The following PIGQ variants were observed in gnomAD, a reference collection of about 807,000 sequenced individuals.
PIGQ encodes the protein phosphatidylinositol N-acetylglucosaminyltransferase subunit Q.
Under a neutral mutation model 60.3 loss-of-function variants are expected in PIGQ, and 54 were observed. That is an observed-to-expected ratio of 0.90 (90% confidence interval 0.72 to 1.12). The LOEUF (loss-of-function observed/expected upper bound fraction) is 1.12. PIGQ is among the 50% of genes most tolerant of loss of function. The pLI is 0.00. For synonymous variants in PIGQ, 416 were observed against 363.7 expected, an observed-to-expected ratio of 1.14 and a Z score of -1.64; for missense variants, 799 against 793.5, an observed-to-expected ratio of 1.01 and a Z score of -0.08.
At position 582,247 on chromosome 16, in the gene PIGQ, G is replaced by A; in HGVS notation, c.1532-1G>A. On this transcript the variant is annotated splice_acceptor_variant, in intron 9 of 10. Transcript: ENST00000321878. LOFTEE classifies it high-confidence loss of function. ...TCGTCAGCCGCTTGCTATCCTTGCA[G>A]CTGGCGTGAAGTTCCGTGTCCTCCG... 13 of 1,602,154 alleles carry A rather than the reference G, an allele frequency of 8.1e-6. No individual in the cohort carries two copies. Among genetic ancestry groups the A allele is most frequent in the Non-Finnish European group, 1.1e-5 (13 of 1,173,528 alleles).
chr16:581,031 G>A (rs1398488923), intron 9 of PIGQ, 59 bp downstream of exon 9: 2 of 1,352,550 alleles, frequency 1.5e-6, no homozygotes, highest in African/African-American at 2.9e-5. Context: ...CACACCTGTG[G>A]GCCCTGCAGA....
At chr16:571,341 C>CGTGTGT (rs3074438) in intron 1 of PIGQ, among the ~76,000 whole-genome samples, 1 of 13,590 alleles carries the variant, frequency 7.4e-5, no homozygotes, top group African/African-American at 3.6e-4. Context: ...GCCTGGTGCC[C>CGTGTGT]GTGTGTGTGT....
At chr16:581,194 C>A in intron 9 of PIGQ, 2 of 1,430,632 alleles carry the variant, frequency 1.4e-6, no homozygotes, top group Non-Finnish European at 1.8e-6. Flanking sequence ...TCACCTGCCG[C>A]GCAGGTTCAG....
At chr16:575,104 G>A (rs938231375) in intron 2 of PIGQ, among the ~76,000 whole-genome samples, 1 of 152,190 alleles carries the variant, frequency 6.6e-6, no homozygotes, top group Non-Finnish European at 1.5e-5. Flanking sequence ...GGGTGCTCCT[G>A]AGGGCACACA....
rs528942784 is a variant in PIGQ, at chr16:576,028, A to G, written c.821+58A>G. On this transcript the variant is annotated intron_variant, in intron 3 of 10. Coordinates refer to ENST00000321878, the MANE Select transcript of PIGQ (RefSeq NM_004204.5). ...GTGCGTGCCCTCTGGCCCCTTCTCC[A>G]TCCCCCTCTGCACCACGCTGACCCC... 84 of 1,551,322 alleles carry G rather than the reference A, an allele frequency of 5.4e-5. No homozygotes were observed. In the South Asian group the frequency reaches 9.5e-4, roughly 18 times the overall value.
rs1309759078 is a variant in PIGQ, at chr16:583,452, G to A, written c.*417G>A. 3.7e-6 allele frequency: 6 copies of A among 1,612,724 alleles called. No individual in the cohort carries two copies. Among genetic ancestry groups the A allele is most frequent in the Non-Finnish European group, 5.1e-6 (6 of 1,179,946 alleles). On this transcript the variant is annotated 3_prime_UTR_variant, in exon 11 of 11. Coordinates refer to ENST00000321878, the MANE Select transcript of PIGQ (RefSeq NM_004204.5). ...TGGCTCTGCCCTGGCTGTGGGGGTG[G>A]AGGGACCTTGCCAGGATGAACCCCC... is the stretch of plus-strand genomic sequence containing the variant.
In PIGQ at chr16:578,187, G is replaced by C. The variant is rs375560786; in HGVS notation, c.943-192G>C. 15 of 581,470 alleles carry C rather than the reference G, an allele frequency of 2.6e-5. No homozygotes were observed. The East Asian group carries it at 4.2e-4, about 16-fold the overall frequency. The allele number at this position is 581,470 out of a possible 1,614,324, so 36.0% of individuals were successfully genotyped here. ...CCAGGCCTGCAGAGAGAGGCCTCCA[G>C]ACCAGCCTCCTCAGACCCCAATCCC... is the stretch of plus-strand genomic sequence containing the variant. On this transcript the variant is annotated intron_variant, in intron 4 of 10. Transcript: ENST00000321878.
At position 576,126 on chromosome 16, in the gene PIGQ, C is replaced by T; in HGVS notation, c.822-8C>T. 2 of 1,547,558 alleles carry T rather than the reference C, an allele frequency of 1.3e-6. No homozygotes were observed. The highest frequency in any genetic ancestry group is 1.7e-6 in the Non-Finnish European group (2 of 1,146,628). On this transcript the variant is annotated splice_region_variant and splice_polypyrimidine_tract_variant and intron_variant, in intron 3 of 10. Coordinates refer to ENST00000321878, the MANE Select transcript of PIGQ (RefSeq NM_004204.5). ...CCTCATGCCGGCCGGGCCGGACCTC[C>T]CTTCCAGGAAGGCCAACACGGTGGC... is the stretch of plus-strand genomic sequence containing the variant.
rs988432256 is a variant in PIGQ, at chr16:583,839, C to A, written c.*804C>A. 32 of 661,116 alleles carry A rather than the reference C, an allele frequency of 4.8e-5. No homozygotes were observed. The highest frequency in any genetic ancestry group is 7.8e-5 in the Non-Finnish European group (29 of 372,072). 41.0% of individuals were successfully genotyped at this position (661,116 alleles called of 1,614,324 possible). A position where few individuals can be genotyped will look rare whatever the true frequency, so the allele number is the denominator to read the frequency against. On this transcript the variant is annotated 3_prime_UTR_variant, in exon 11 of 11. Transcript: ENST00000321878. The stretch of plus-strand genomic sequence containing the variant: ...CTGTGCAGACACCTCTGTGGCCCCC[C>A]AGGAGTGTGAGTGGCCTGGGGAGGG...
At position 574,378 on chromosome 16, in the gene PIGQ, G is replaced by C; in HGVS notation, c.304G>C (p.Gly102Arg). The C allele has an allele frequency of 6.2e-7, 1 of 1,610,318 alleles. No homozygotes were observed. The highest frequency in any genetic ancestry group is 8.5e-7 in the Non-Finnish European group (1 of 1,179,320). ...GCTGCGGCTGTGCCGGGAGAGAGGCGGCACGTTCTGGAGCTGCGAGGCCAC... is the reference window on the plus strand; with the variant it reads ...GCTGCGGCTGTGCCGGGAGAGAGGCCGCACGTTCTGGAGCTGCGAGGCCAC... ...PWLRLCRERG[G>R]TFWSCEATHR... is the part of the protein sequence containing the mutation. Residue 102 changes from glycine to arginine, a missense_variant, in exon 2 of 11, where the codon GGC becomes CGC. Gly to Arg is a moderately radical substitution (Grantham distance 125). Transcript: ENST00000321878.
At chr16:580,346 G>T in intron 8 of PIGQ, 83 bp downstream of exon 8, 1 of 1,124,026 alleles carries the variant, frequency 8.9e-7, no homozygotes, top group Non-Finnish European at 1.3e-6. Context: ...AGTCAGCTGT[G>T]GGGCGGGCTG....
At chr16:571,484 TAGCCTGTGTGTGTGTGTGTGTGTGTG>T (rs1286114337) in intron 1 of PIGQ, among the ~76,000 whole-genome samples, 6 of 81,846 alleles carry the variant, frequency 7.3e-5, no homozygotes, top group African/African-American at 1.6e-4. Flanking sequence ...TGTGTCTGGT[TAGCCTGTGTGTGTGTGTGTGTGTGTG>T]TGTGTGTGTG....
intron 7 of PIGQ, chr16:579,962 G>A (rs2035786311): frequency 2.2e-6 from 1 of 450,574 alleles, no homozygotes; most frequent in African/African-American, 2.0e-5. Context: ...ACCGTCTTGG[G>A]TGGTCTGGCC....
chr16:583,911 G>A lies in PIGQ; in HGVS notation c.*876G>A. ...AGTGCCTGCCAGACGGCACGGTCTG[G>A]GTGCGGGTGTTCCCTGTGAGCCCGA... On this transcript the variant is annotated 3_prime_UTR_variant, in exon 11 of 11. Transcript: ENST00000321878. 1 of 513,116 alleles carries A rather than the reference G, an allele frequency of 1.9e-6. No homozygotes were observed. 31.8% of individuals were successfully genotyped at this position (513,116 alleles called of 1,614,324 possible). A position where few individuals can be genotyped will look rare whatever the true frequency, so the allele number is the denominator to read the frequency against.
At position 583,681 on chromosome 16, in the gene PIGQ, G is replaced by A. The variant is rs770184757; in HGVS notation, c.*646G>A. The A allele has an allele frequency of 9.4e-6, 15 of 1,601,642 alleles. No individual in the cohort carries two copies. Among genetic ancestry groups the A allele is most frequent in the Admixed American group, 1.7e-5 (1 of 59,996 alleles). On this transcript the variant is annotated 3_prime_UTR_variant, in exon 11 of 11. Transcript: ENST00000321878. ...AGCATCGCCAGGCTGCTGTGGGGGC[G>A]GGAGCAGCCTCAGTGTCAAGGGCCC...
intron 7 of PIGQ, 33 bp from the exon 8 acceptor site, chr16:580,150 G>C (rs773323446): frequency 1.3e-6 from 2 of 1,578,838 alleles, no homozygotes; most frequent in Non-Finnish European, 1.7e-6. Flanking sequence ...GCGGGGTCCT[G>C]CTGATGCCCG....
In PIGQ at chr16:574,573, G is replaced by A. The variant is rs144825405; in HGVS notation, c.499G>A (p.Asp167Asn). 44 of 1,603,420 alleles carry A rather than the reference G, an allele frequency of 2.7e-5. No individual in the cohort carries two copies. The African/African-American group carries it at 5.1e-4, about 19-fold the overall frequency. Residue 167 changes from aspartate to asparagine, a missense_variant, in exon 2 of 11, where the codon GAC becomes AAC. By Grantham distance (23) the Asp-to-Asn change is conservative. Coordinates refer to ENST00000321878, the MANE Select transcript of PIGQ (RefSeq NM_004204.5). Reference sequence around the variant, plus strand: ...CACGGGGGGCCTGGCTGCCGTCTTCGACACGGTAGCACGCAGTGAGGTGCT... The same window carrying A: ...CACGGGGGGCCTGGCTGCCGTCTTCAACACGGTAGCACGCAGTGAGGTGCT... ...ASTGGLAAVF[D>N]TVARSEVLFR...
intron 10 of PIGQ, 38 bp from the exon 11 acceptor site, chr16:582,845 T>C (rs1341544044): frequency 2.6e-6 from 4 of 1,559,558 alleles, no homozygotes; most frequent in Non-Finnish European, 3.5e-6. Context: ...GGGTTGGAGC[T>C]CAGACCACCC....
rs753089646 is a variant in PIGQ, at chr16:576,302, C to G, written c.942+48C>G. The G allele has an allele frequency of 2.0e-6, 3 of 1,527,476 alleles. No individual in the cohort carries two copies. The African/African-American group carries it at 4.1e-5, about 21-fold the overall frequency. 94.6% of individuals were successfully genotyped at this position (1,527,476 alleles called of 1,614,324 possible). ...CGGTGTCCCGGGTGGGCGTGGGGAC[C>G]CCTCCTGGGCAGCAGAGCCTTCCCG... On this transcript the variant is annotated intron_variant, in intron 4 of 10. Transcript: ENST00000321878.
Sources: gnomAD v4.1 joint callset for allele counts (sites outside exome capture counted in the v4.1 genomes callset) on GRCh38, gnomAD v4.1.1 for gene constraint, MANE v1.5 for transcripts, NCBI Gene and HGNC (gene_info 2026-07-23, HGNC 2026-07-21) for gene names.